NKAIN3: variants seen among roughly 807,000 people sequenced by gnomAD.
NKAIN3 encodes the protein sodium/potassium transporting ATPase interacting 3.
NKAIN3 carries 25 observed loss-of-function variants against 30.2 expected under a neutral mutation model. The ratio of observed to expected loss-of-function variants is 0.83; its 90% CI spans 0.60 to 1.16. The LOEUF is 1.16. NKAIN3 is among the 50% of genes most tolerant of loss of function. The pLI is 0.00. For missense variants in NKAIN3, 225 were observed against 254.1 expected (o/e 0.89, Z 0.78); for synonymous variants, 91 against 89.6 (o/e 1.02, Z -0.09).
rs1824024411 is a variant in NKAIN3, at chr8:62,979,413, T to G, written c.*14006T>G. 1 of 152,212 alleles carries G rather than the reference T, an allele frequency of 6.6e-6. No homozygotes were observed. Among genetic ancestry groups the G allele is most frequent in the African/African-American group, 2.4e-5 (1 of 41,452 alleles). 9.4% of individuals were successfully genotyped at this position (152,212 alleles called of 1,614,324 possible). A position where few individuals can be genotyped will look rare whatever the true frequency, so the allele number is the denominator to read the frequency against. ...ATGATTTAAACAAGATTGGGTGACT[T>G]ATTTATGTACACACACATCCACAAT... On this transcript the variant is annotated 3_prime_UTR_variant, in exon 7 of 7. Coordinates refer to ENST00000623646, the MANE Select transcript of NKAIN3 (RefSeq NM_001304533.3).
intron 1 of NKAIN3, among the ~76,000 whole-genome samples, chr8:62,319,657 A>G (rs186114912): frequency 6.6e-6 from 1 of 152,148 alleles, no homozygotes; most frequent in Admixed American, 6.5e-5. Context: ...TGAGTTTCTG[A>G]ATCCTGAGTT....
intron 3 of NKAIN3, among the ~76,000 whole-genome samples, chr8:62,734,402 T>C (rs1313747727): frequency 6.6e-6 from 1 of 152,220 alleles, no homozygotes; most frequent in Non-Finnish European, 1.5e-5. Context: ...TTTTTTCCTT[T>C]TGGATTTGGC....
chr8:62,408,822 A>T (rs573853823), intron 1 of NKAIN3, among the ~76,000 whole-genome samples: 12 of 151,748 alleles, frequency 7.9e-5, no homozygotes, highest in East Asian at 7.7e-4. Flanking sequence ...TTTTCTTTAT[A>T]AAAAAAATTC....
intron 3 of NKAIN3, among the ~76,000 whole-genome samples, chr8:62,594,290 T>G (rs1425428341): frequency 6.6e-6 from 1 of 152,008 alleles, no homozygotes; most frequent in Non-Finnish European, 1.5e-5. Context: ...TGATACCACC[T>G]TATAGACAAG....
At chr8:62,702,065 C>T (rs1257796719) in intron 3 of NKAIN3, among the ~76,000 whole-genome samples, 1 of 152,172 alleles carries the variant, frequency 6.6e-6, no homozygotes, top group East Asian at 1.9e-4. Flanking sequence ...TGATTTAGTT[C>T]TTTATACTCT....
In NKAIN3 at chr8:62,333,979, G is replaced by C. The variant is rs562337981; in HGVS notation, c.54+84852G>C. Among the ~76,000 whole-genome samples the C allele has an allele frequency of 2.0e-5, 3 of 152,176 alleles. No individual in the cohort carries two copies. The East Asian group carries it at 5.8e-4, about 30-fold the overall frequency. On this transcript the variant is annotated intron_variant, in intron 1 of 6. Transcript: ENST00000623646. ...AAGGGCCAGGAAGACCAGAGGCGCA[G>C]AATGACTTCAAGAAACAGCATATAA...
chr8:62,312,556 G>A (rs374918503), intron 1 of NKAIN3, among the ~76,000 whole-genome samples: 10 of 150,564 alleles, frequency 6.6e-5, no homozygotes, highest in Middle Eastern at 3.4e-3. Context: ...GATGGCTCAC[G>A]TCTGTAATAC....
At chr8:62,439,077 A>C (rs558334107) in intron 1 of NKAIN3, among the ~76,000 whole-genome samples, 12 of 152,202 alleles carry the variant, frequency 7.9e-5, no homozygotes, top group Admixed American at 2.6e-4. Flanking sequence ...GGCCAAGCTA[A>C]AGATGTTAGG....
intron 1 of NKAIN3, among the ~76,000 whole-genome samples, chr8:62,295,748 A>G (rs1438710559): frequency 2.0e-5 from 3 of 152,276 alleles, no homozygotes; most frequent in South Asian, 4.1e-4. Context: ...AAAATTTCTC[A>G]TAAGTGTTTT....
chr8:62,656,922 G>T (rs1362239213), intron 3 of NKAIN3, among the ~76,000 whole-genome samples: 1 of 152,112 alleles, frequency 6.6e-6, no homozygotes, highest in Admixed American at 6.6e-5. Context: ...AATAATTGAA[G>T]ATTTAAAAAA....
At chr8:62,567,046 G>A (rs1032980197) in intron 1 of NKAIN3, among the ~76,000 whole-genome samples, 3 of 151,998 alleles carry the variant, frequency 2.0e-5, no homozygotes, top group African/African-American at 7.2e-5. Context: ...CTTCTGTAGA[G>A]TTAAGGCTAT....
chr8:62,915,792 A>G (rs1462082255), intron 4 of NKAIN3, among the ~76,000 whole-genome samples: 1 of 152,232 alleles, frequency 6.6e-6, no homozygotes, highest in African/African-American at 2.4e-5. Flanking sequence ...ACAGGCCAAC[A>G]TAAAGAAACA....
intron 3 of NKAIN3, among the ~76,000 whole-genome samples, chr8:62,630,609 C>T (rs574267979): frequency 6.6e-6 from 1 of 152,282 alleles, no homozygotes; most frequent in African/African-American, 2.4e-5. Context: ...CACCATGCAT[C>T]CTCTACTCCA....
chr8:62,900,290 T>A (rs765805133), intron 4 of NKAIN3, among the ~76,000 whole-genome samples: 1 of 152,216 alleles, frequency 6.6e-6, no homozygotes, highest in Non-Finnish European at 1.5e-5. Context: ...ATTTAAAAAG[T>A]ACATAGCATA....
At chr8:62,384,040 G>A (rs548758422) in intron 1 of NKAIN3, among the ~76,000 whole-genome samples, 19 of 152,164 alleles carry the variant, frequency 1.2e-4, no homozygotes, top group South Asian at 4.2e-4. Flanking sequence ...GACTTTCAGC[G>A]TCACTCATGG....
chr8:62,371,061 T>G (rs1816892799), intron 1 of NKAIN3, among the ~76,000 whole-genome samples: 1 of 151,960 alleles, frequency 6.6e-6, no homozygotes, highest in South Asian at 2.1e-4. Flanking sequence ...TCTGTTGCTT[T>G]ATTTTATTAA....
At chr8:62,288,964 G>A (rs545543269) in intron 1 of NKAIN3, among the ~76,000 whole-genome samples, 1 of 152,252 alleles carries the variant, frequency 6.6e-6, no homozygotes, top group African/African-American at 2.4e-5. Context: ...TCACATTGTG[G>A]TTTTGATTTG....
In NKAIN3 at chr8:62,474,439, C is replaced by G. The variant is rs555208162; in HGVS notation, c.55-105100C>G. 5.5e-4 allele frequency among the ~76,000 whole-genome samples: 83 copies of G among 152,182 alleles called. 1 individual carries two copies. Among genetic ancestry groups the G allele is most frequent in the Non-Finnish European group, 9.4e-4 (64 of 68,006 alleles). ...CAGGTCACTTTTGAATCTGAAGGAG[C>G]CTACTAATTCCCTCTCATAGAATTT... On this transcript the variant is annotated intron_variant, in intron 1 of 6. Transcript: ENST00000623646.
chr8:62,751,930 T>C (rs1816297866), intron 4 of NKAIN3, among the ~76,000 whole-genome samples: 1 of 152,030 alleles, frequency 6.6e-6, no homozygotes, highest in African/African-American at 2.4e-5. Context: ...ACTATAATCA[T>C]TGAGTTTCTA....
Sources: gnomAD v4.1 joint callset for allele counts (sites outside exome capture counted in the v4.1 genomes callset) on GRCh38, gnomAD v4.1.1 for gene constraint, MANE v1.5 for transcripts, NCBI Gene and HGNC (gene_info 2026-07-23, HGNC 2026-07-21) for gene names.